The following NEB variants were observed in gnomAD, a reference collection of about 807,000 sequenced individuals.
The protein encoded by NEB is nebulin, also known as nemaline myopathy type 2.
NEB carries 512 observed loss-of-function variants against 952.2 expected under a neutral mutation model. That is an observed-to-expected ratio of 0.54 (90% CI 0.50 to 0.58). The LOEUF (loss-of-function observed/expected upper bound fraction) is 0.58, where lower values mean the gene tolerates loss of function less well. NEB is among the 20% of genes least tolerant of loss of function. NEB has a pLI of 0.00. For missense variants in NEB, 8,428 were observed against 9,231.1 expected (o/e 0.91, Z 3.56); for synonymous variants, 2,900 against 3,149.8 (o/e 0.92, Z 2.66).
intron 105 of NEB, among the ~76,000 whole-genome samples, chr2:151,577,287 T>C (rs986846598): frequency 1.8e-4 from 28 of 152,138 alleles, no homozygotes; most frequent in African/African-American, 6.8e-4. Flanking sequence ...CCTCGTGTCA[T>C]CTGTACTTCC....
rs765124475 is a variant in NEB at position 151,533,511 on chromosome 2, T to A, written c.21348A>T (p.Gln7116His). The change falls in exon 143 of 182, where the codon CAA becomes CAT. Residue 7116 changes from glutamine (Q) to histidine (H), a missense_variant. Coordinates refer to ENST00000397345, the MANE Select transcript of NEB (RefSeq NM_001164508.2). ...GACGCAGAATTTCATTACATCCATG[T>A]TGCAGAAACATCTTGGCACTAGATT... ...KYKSSAKMFL[Q>H]HGCNEILRPD... 1 of 1,551,514 alleles carries A rather than the reference T, an allele frequency of 6.4e-7. No individual in the cohort carries two copies. The highest frequency in any genetic ancestry group is 1.4e-5 in the African/African-American group (1 of 73,192).
chr2:151,719,406 T>C (rs912506562), intron 9 of NEB, among the ~76,000 whole-genome samples: 1 of 152,190 alleles, frequency 6.6e-6, no homozygotes, highest in African/African-American at 2.4e-5. Context: ...AGTAAAGCAG[T>C]TGAATAATCC....
intron 71 of NEB, among the ~76,000 whole-genome samples, chr2:151,624,423 C>T (rs549162403): frequency 2.0e-5 from 3 of 152,212 alleles, no homozygotes; most frequent in Non-Finnish European, 2.9e-5. Flanking sequence ...ACTTCATCTG[C>T]CTTGGATAAA....
intron 162 of NEB, 39 bp downstream of exon 162, chr2:151,507,966 G>A: frequency 6.9e-7 from 1 of 1,456,002 alleles, no homozygotes; most frequent in Non-Finnish European, 9.5e-7. Context: ...GCACCCCTAG[G>A]TGCCTGTGGG....
chr2:151,559,001 G>A (rs535255941), intron 124 of NEB, among the ~76,000 whole-genome samples: 27 of 152,098 alleles, frequency 1.8e-4, no homozygotes, highest in Non-Finnish European at 2.8e-4. Flanking sequence ...GAGTGAAAAG[G>A]CAACCTACAG....
At chr2:151,533,757 G>A (rs894807843) in intron 142 of NEB, among the ~76,000 whole-genome samples, 7 of 152,186 alleles carry the variant, frequency 4.6e-5, no homozygotes, top group Non-Finnish European at 1.0e-4. Flanking sequence ...CTTGTGAATG[G>A]GGAATGATAC....
chr2:151,546,617 G>A (rs2094738138), intron 133 of NEB, among the ~76,000 whole-genome samples, 174 bp from the exon 134 acceptor site: 1 of 141,746 alleles, frequency 7.1e-6, no homozygotes, highest in Non-Finnish European at 1.5e-5. Context: ...GGAGTGCAAT[G>A]CCAAGATCTT....
At chr2:151,637,216 A>T (rs1308843461) in intron 63 of NEB, among the ~76,000 whole-genome samples, 3 of 152,214 alleles carry the variant, frequency 2.0e-5, no homozygotes, top group African/African-American at 7.2e-5. Context: ...GGAGTCATTT[A>T]TTCTGAACTG....
chr2:151,542,187 C>T (rs780528066), intron 135 of NEB, among the ~76,000 whole-genome samples: 4 of 152,132 alleles, frequency 2.6e-5, no homozygotes, highest in Admixed American at 6.5e-5. Context: ...ACCATTCTTC[C>T]CTAGGTGGCT....
chr2:151,624,258 C>T (rs150851976), intron 71 of NEB, among the ~76,000 whole-genome samples: 2 of 151,914 alleles, frequency 1.3e-5, no homozygotes, highest in Admixed American at 1.3e-4. Context: ...CATGATCATG[C>T]AATTTTAAAG....
rs775595412 is a variant in NEB at position 151,519,758 on chromosome 2, C to T, written c.22490G>A (p.Arg7497Gln). 2.2e-5 allele frequency: 36 copies of T among 1,605,958 alleles called. No homozygotes were observed. Among genetic ancestry groups the T allele is most frequent in the African/African-American group, 6.7e-5 (5 of 74,654 alleles). ...AAKLSSQVKYRENFDKEKGKT... is the reference protein window; with the variant it reads ...AAKLSSQVKYQENFDKEKGKT... ...GCCCTTTTCTTTATCGAAATTTTCTCGGTATTTAACCTAACAGCAAATGCA... is the reference window on the plus strand; with the variant it reads ...GCCCTTTTCTTTATCGAAATTTTCTTGGTATTTAACCTAACAGCAAATGCA... The change falls in exon 154 of 182, where the codon CGA becomes CAA. Residue 7497 changes from arginine to glutamine, a missense_variant. By Grantham distance (43) the Arg-to-Gln change is conservative. Around this residue, in one of 11 missense-constraint regions of NEB, gnomAD observed 3,374 missense variants for 3,651.5 expected, o/e 0.92. Transcript: ENST00000397345.
intron 145 of NEB, among the ~76,000 whole-genome samples, chr2:151,530,376 TCAGG>T (rs1340626296): frequency 6.6e-6 from 1 of 152,148 alleles, no homozygotes; most frequent in Non-Finnish European, 1.5e-5. Flanking sequence ...TTCTTAAATT[TCAGG>T]GTCGAGGGCC....
chr2:151,708,418 T>C (rs2099728655), intron 12 of NEB, among the ~76,000 whole-genome samples: 1 of 152,186 alleles, frequency 6.6e-6, no homozygotes, highest in Non-Finnish European at 1.5e-5. Context: ...TAAATCCATT[T>C]CAGAGACATT....
intron 88 of NEB, among the ~76,000 whole-genome samples, chr2:151,601,499 C>G (rs1269665989): frequency 3.5e-5 from 4 of 113,648 alleles, no homozygotes; most frequent in Admixed American, 2.8e-4. Flanking sequence ...ATATTTCTAG[C>G]ACACATTAAA....
Position 151,607,288 on chromosome 2 carries a change from T to A in NEB, c.12639+216A>T, listed in dbSNP as rs1301853555. Among the ~76,000 whole-genome samples the A allele has an allele frequency of 2.7e-4, 28 of 103,378 alleles. 5 individuals are homozygous for A. The highest frequency in any genetic ancestry group is 5.8e-4 in the South Asian group (2 of 3,474). The allele number at this position is 103,378 out of a possible 152,430, so 67.8% of individuals were successfully genotyped here. A position where few individuals can be genotyped will look rare whatever the true frequency, so the allele number is the denominator to read the frequency against. ...ACACCAAAAGGATTCAGGTGTCCCA[T>A]ATCCTGCAGTCTAGGCACCCACCGA... is the stretch of plus-strand genomic sequence containing the variant. On this transcript the variant is annotated intron_variant, in intron 83 of 181. Transcript: ENST00000397345.
At position 151,661,996 on chromosome 2, in the gene NEB, C is replaced by T. The variant is rs80168331; in HGVS notation, c.5970+139G>A. On this transcript the variant is annotated intron_variant, in intron 46 of 181. Coordinates refer to ENST00000397345, the MANE Select transcript of NEB (RefSeq NM_001164508.2). The stretch of plus-strand genomic sequence containing the variant: ...TAATTCCTATTCTTTTTTTTTTTAA[C>T]GACAAGACTCTTTTTCTAGGTAAAA... 1,999 of 629,426 alleles carry T rather than the reference C, an allele frequency of 3.2e-3. 41 individuals are homozygous for T. The African/African-American group carries it at 0.032, about 10-fold the overall frequency. The allele number at this position is 629,426 out of a possible 1,614,324, so 39.0% of individuals were successfully genotyped here.
rs546202227 is a variant in NEB at position 151,554,219 on chromosome 2, T to C, written c.19429-194A>G. Among the ~76,000 whole-genome samples, 8 of 152,282 alleles carry C rather than the reference T, an allele frequency of 5.3e-5. No individual in the cohort carries two copies. In the East Asian group the frequency reaches 1.5e-3, roughly 29 times the overall value. On this transcript the variant is annotated intron_variant, in intron 125 of 181. Coordinates refer to ENST00000397345, the MANE Select transcript of NEB (RefSeq NM_001164508.2). ...ATAAAGCATTATAGCTGAAATAATA[T>C]GTAGCTTCTTTACATGTGCACAGTC...
Position 151,565,031 on chromosome 2 carries a change from A to C in NEB, c.18471+13T>G. 1.4e-6 allele frequency: 2 copies of C among 1,470,234 alleles called. No individual in the cohort carries two copies. The highest frequency in any genetic ancestry group is 1.9e-6 in the Non-Finnish European group (2 of 1,065,904). 91.1% of individuals were successfully genotyped at this position (1,470,234 alleles called of 1,614,324 possible). A position where few individuals can be genotyped will look rare whatever the true frequency, so the allele number is the denominator to read the frequency against. On this transcript the variant is annotated intron_variant, in intron 117 of 181. Coordinates refer to ENST00000397345, the MANE Select transcript of NEB (RefSeq NM_001164508.2). Reference sequence around the variant, plus strand: ...TTAGAAATTGAGTGGTTATTACATAAAAGAGAACTTACAGTACTGTAGAGT... The same window carrying C: ...TTAGAAATTGAGTGGTTATTACATACAAGAGAACTTACAGTACTGTAGAGT...
Position 151,541,560 on chromosome 2 carries a change from A to G in NEB, c.20578-9T>C, listed in dbSNP as rs2094070540. 6.2e-7 allele frequency: 1 copy of G among 1,603,998 alleles called. No homozygotes were observed. Among genetic ancestry groups the G allele is most frequent in the Admixed American group, 1.7e-5 (1 of 59,958 alleles). Reference sequence around the variant, plus strand: ...GCAGCTCTGTAGACCAGCTAGACATAAACCAAGTTATCACCATCATTTCTG... The same window carrying G: ...GCAGCTCTGTAGACCAGCTAGACATGAACCAAGTTATCACCATCATTTCTG... On this transcript the variant is annotated splice_polypyrimidine_tract_variant and intron_variant, in intron 135 of 181. Transcript: ENST00000397345.
Sources: gnomAD v4.1 joint callset for allele counts (sites outside exome capture counted in the v4.1 genomes callset) on GRCh38, gnomAD v4.1.1 for gene constraint, gnomAD v4.1.1 regional missense constraint, MANE v1.5 for transcripts, NCBI Gene and HGNC (gene_info 2026-07-23, HGNC 2026-07-21) for gene names.